Variants in FANCB observed in about 807,000 individuals in gnomAD.
The protein encoded by FANCB is FA complementation group B.
In FANCB, 5 loss-of-function variants were observed where a neutral mutation model predicts 38.9. The observed-to-expected ratio is 0.13, with a 90% CI of 0.07 to 0.27. FANCB has a LOEUF of 0.27. FANCB is among the 10% of genes least tolerant of loss of function. The probability of loss-of-function intolerance (pLI) is 1.00; values close to 1 mark genes in which losing one functional copy is unlikely to be tolerated. For synonymous variants in FANCB, 236 were observed against 215.4 expected (o/e 1.10, Z -0.84); for missense variants, 573 against 602.7 (o/e 0.95, Z 0.52).
At chrX:14,691,326 C>T in the FANCB span, among the ~76,000 whole-genome samples, 30 of 69,137 alleles carry the variant, frequency 4.3e-4, no homozygotes, top group African/African-American at 1.3e-3. Context: ...TGTGTGTGTG[C>T]GCGCGTGCGT....
At chrX:14,801,095 G>A in the FANCB span, among the ~76,000 whole-genome samples, 3 of 111,654 alleles carry the variant, frequency 2.7e-5, no homozygotes, top group South Asian at 3.8e-4. Context: ...GACCGTGGGC[G>A]TGGCTGCTGG....
the FANCB span, among the ~76,000 whole-genome samples, chrX:14,822,289 C>T: frequency 9.1e-6 from 1 of 110,386 alleles, no homozygotes. Context: ...GTAGCCAACT[C>T]TGCTTGATTG....
the FANCB span, among the ~76,000 whole-genome samples, chrX:14,810,170 C>A: frequency 9.0e-6 from 1 of 111,539 alleles, no homozygotes; most frequent in Non-Finnish European, 1.9e-5. Context: ...ATCTGTACAT[C>A]ACCATCATCA....
the FANCB span, among the ~76,000 whole-genome samples, chrX:14,689,597 C>A: frequency 8.9e-6 from 1 of 111,739 alleles, no homozygotes; most frequent in Admixed American, 9.5e-5. Context: ...CTCTTTACCC[C>A]AGTTTTCTCA....
At chrX:14,773,287 T>C in the FANCB span, among the ~76,000 whole-genome samples, 1 of 112,703 alleles carries the variant, frequency 8.9e-6, no homozygotes, top group Admixed American at 9.4e-5. Flanking sequence ...GATGCATGCA[T>C]GCCTTGCACA....
the FANCB span, among the ~76,000 whole-genome samples, chrX:14,711,718 C>T: frequency 1.8e-5 from 2 of 112,419 alleles, no homozygotes; most frequent in African/African-American, 3.2e-5. Context: ...TATTTTACTA[C>T]AAAAGAGACT....
downstream of FANCB, chrX:14,834,522 C>T (rs192392849): frequency 2.4e-5 from 12 of 498,714 alleles, no homozygotes; most frequent in East Asian, 3.3e-4. Flanking sequence ...CCTGGTCAGT[C>T]ACCCAGAAGC....
chrX:14,774,117 G>A, the FANCB span, among the ~76,000 whole-genome samples: 1 of 111,774 alleles, frequency 8.9e-6, no homozygotes, highest in Non-Finnish European at 1.9e-5. Context: ...ATATTAAGTA[G>A]CTATTAAAAA....
At chrX:14,823,370 C>T in the FANCB span, among the ~76,000 whole-genome samples, 1 of 111,772 alleles carries the variant, frequency 8.9e-6, no homozygotes, top group African/African-American at 3.3e-5. Flanking sequence ...GCGTGAGCCA[C>T]TGTGCCCAGC....
At chrX:14,767,309 G>A in the FANCB span, among the ~76,000 whole-genome samples, 1 of 112,001 alleles carries the variant, frequency 8.9e-6, no homozygotes, top group South Asian at 3.8e-4. Flanking sequence ...CCCACCAACA[G>A]TGTAAAAGCA....
At chrX:14,869,689 T>C (rs186210716) in intron 1 of FANCB, among the ~76,000 whole-genome samples, 6 of 112,330 alleles carry the variant, frequency 5.3e-5, no homozygotes, top group African/African-American at 1.9e-4. Flanking sequence ...CCTTTCTCAA[T>C]AGACCTGTGA....
chrX:14,727,326 T>G, the FANCB span, among the ~76,000 whole-genome samples: 1 of 111,966 alleles, frequency 8.9e-6, no homozygotes. Flanking sequence ...CCCTGAGGCT[T>G]TGAAAGAATA....
the FANCB span, among the ~76,000 whole-genome samples, chrX:14,781,385 G>A: frequency 9.2e-6 from 1 of 108,167 alleles, no homozygotes; most frequent in East Asian, 2.9e-4. Context: ...AGTGAGCCGA[G>A]ATCACACCAC....
At chrX:14,785,548 A>G in the FANCB span, among the ~76,000 whole-genome samples, 1 of 112,077 alleles carries the variant, frequency 8.9e-6, no homozygotes, top group Non-Finnish European at 1.9e-5. Flanking sequence ...AGGAGGATGC[A>G]CCTAAGTCAA....
At chrX:14,825,175 G>C in the FANCB span, among the ~76,000 whole-genome samples, 16 of 112,216 alleles carry the variant, frequency 1.4e-4, no homozygotes, top group Non-Finnish European at 3.0e-4. Context: ...GATTTTCCAT[G>C]AAGTGCGTGT....
intron 7 of FANCB, among the ~76,000 whole-genome samples, chrX:14,848,882 T>C (rs931925207): frequency 6.0e-4 from 66 of 110,843 alleles, no homozygotes; most frequent in African/African-American, 2.1e-3. Context: ...CAGTGCATTG[T>C]TGGCAGTGTG....
chrX:14,718,320 A>G, the FANCB span, among the ~76,000 whole-genome samples: 1 of 112,073 alleles, frequency 8.9e-6, no homozygotes, highest in Non-Finnish European at 1.9e-5. Flanking sequence ...CCAGTGGTCA[A>G]TCAGGAACAC....
In FANCB at chrX:14,854,376, C is replaced by A. The variant is rs1234544131; in HGVS notation, c.1198-1209G>T. 1.3e-4 allele frequency among the ~76,000 whole-genome samples: 15 copies of A among 111,531 alleles called. No individual in the cohort carries two copies. In the Admixed American group the frequency reaches 1.4e-3, roughly 11 times the overall value. ...CCTTAACATGCCCCTTACTCCAGGA[C>A]AATATAGTGATTGAGTAGAGTAGTT... On this transcript the variant is annotated intron_variant, in intron 5 of 9. Transcript: ENST00000650831.
At chrX:14,724,518 C>T in the FANCB span, among the ~76,000 whole-genome samples, 9 of 105,184 alleles carry the variant, frequency 8.6e-5, no homozygotes, top group Non-Finnish European at 1.7e-4. Flanking sequence ...CCCAGCTACT[C>T]GGGAGGCTGA....
Sources: allele counts gnomAD v4.1 joint callset (sites outside exome capture counted in the v4.1 genomes callset), GRCh38; gene constraint gnomAD v4.1.1; transcripts MANE v1.5; gene names NCBI Gene and HGNC (gene_info 2026-07-23, HGNC 2026-07-21).